The following MNAT1 variants were observed in gnomAD, a reference collection of about 807,000 sequenced individuals.
MNAT1 encodes the protein CDK-activating kinase assembly factor MAT1.
A neutral mutation model predicts 42.0 loss-of-function variants in MNAT1; 43 were observed. The ratio of observed to expected loss-of-function variants is 1.02; its 90% CI spans 0.80 to 1.32. The LOEUF is 1.32. Among genes scored for constraint, MNAT1 ranks in the 40% most tolerant of loss-of-function variants. The pLI is 0.00. For synonymous variants in MNAT1, 118 were observed against 120.0 expected (o/e 0.98, Z 0.11); for missense variants, 306 against 350.4 (o/e 0.87, Z 1.01).
At chr14:60,878,947 T>A (rs970747410) in intron 6 of MNAT1, among the ~76,000 whole-genome samples, 3 of 152,184 alleles carry the variant, frequency 2.0e-5, no homozygotes, top group Non-Finnish European at 2.9e-5. Flanking sequence ...CAGTCAGAAT[T>A]GTGTAAGCTG....
intron 7 of MNAT1, among the ~76,000 whole-genome samples, chr14:60,947,673 ACT>A (rs1327259929): frequency 6.6e-6 from 1 of 152,088 alleles, no homozygotes; most frequent in African/African-American, 2.4e-5. Context: ...ACAAAGTGAG[ACT>A]CTATCTGAAA....
chr14:60,921,464 C>A (rs1362655989), intron 7 of MNAT1, among the ~76,000 whole-genome samples: 4 of 151,988 alleles, frequency 2.6e-5, no homozygotes, highest in Non-Finnish European at 5.9e-5. Context: ...CATAAGTGGT[C>A]TCTGTTCTTA....
chr14:60,757,392 A>T (rs917509036), intron 1 of MNAT1, among the ~76,000 whole-genome samples: 1 of 151,496 alleles, frequency 6.6e-6, no homozygotes, highest in Non-Finnish European at 1.5e-5. Context: ...ATTTTTTTTT[A>T]TTGTCCACAC....
At chr14:60,905,293 A>G (rs1287218189) in intron 7 of MNAT1, among the ~76,000 whole-genome samples, 1 of 152,084 alleles carries the variant, frequency 6.6e-6, no homozygotes, top group Non-Finnish European at 1.5e-5. Context: ...AACATTTGAG[A>G]TGAAACTTAA....
intron 7 of MNAT1, among the ~76,000 whole-genome samples, chr14:60,885,664 T>G (rs1254082361): frequency 6.6e-6 from 1 of 152,100 alleles, no homozygotes; most frequent in African/African-American, 2.4e-5. Context: ...TATTAACCCT[T>G]TATTGGATGT....
intron 6 of MNAT1, among the ~76,000 whole-genome samples, chr14:60,838,454 C>T (rs995954971): frequency 1.3e-5 from 2 of 152,046 alleles, no homozygotes; most frequent in African/African-American, 2.4e-5. Flanking sequence ...TCCTATTAGT[C>T]TGTTTTCCAT....
At chr14:60,904,554 AC>A (rs776635697) in intron 7 of MNAT1, among the ~76,000 whole-genome samples, 5 of 152,178 alleles carry the variant, frequency 3.3e-5, no homozygotes, top group Non-Finnish European at 7.4e-5. Context: ...TCTTTCATCA[AC>A]AGTCAGACAC....
chr14:60,884,727 A>G (rs1472247307), intron 7 of MNAT1, among the ~76,000 whole-genome samples: 1 of 152,036 alleles, frequency 6.6e-6, no homozygotes. Context: ...AGAGTAGTTT[A>G]TCTACCATGA....
At chr14:60,815,999 C>T (rs922984559) in intron 5 of MNAT1, among the ~76,000 whole-genome samples, 4 of 151,826 alleles carry the variant, frequency 2.6e-5, no homozygotes, top group East Asian at 1.9e-4. Context: ...AGTAAAAGAA[C>T]GTATTTCTTT....
intron 7 of MNAT1, among the ~76,000 whole-genome samples, chr14:60,952,963 T>G (rs1005675969): frequency 2.0e-5 from 3 of 151,986 alleles, no homozygotes; most frequent in African/African-American, 7.2e-5. Flanking sequence ...ACTGATATTA[T>G]GGAAATCAGA....
At position 60,857,575 on chromosome 14, in the gene MNAT1, G is replaced by GT. The variant is rs890304526; in HGVS notation, c.688-22130dup. ...AAACTTAGTTGATAAAGCAGTGGCA[G>GT]TTTTTTTTTATTATTATACTTTAAG... On this transcript the variant is annotated intron_variant, in intron 6 of 7. Transcript: ENST00000261245. 1.1e-4 allele frequency among the ~76,000 whole-genome samples: 17 copies of GT among 151,628 alleles called. No individual in the cohort carries two copies. The East Asian group carries it at 1.2e-3, about 10-fold the overall frequency.
intron 7 of MNAT1, among the ~76,000 whole-genome samples, chr14:60,888,354 A>T (rs920127457): frequency 6.6e-6 from 1 of 152,104 alleles, no homozygotes; most frequent in African/African-American, 2.4e-5. Context: ...AAACCACATG[A>T]TTATCTCAAT....
intron 1 of MNAT1, among the ~76,000 whole-genome samples, chr14:60,760,110 A>T (rs913479399): frequency 6.6e-6 from 1 of 152,236 alleles, no homozygotes; most frequent in Non-Finnish European, 1.5e-5. Context: ...TTCCAAGTGG[A>T]CAATATAAAC....
At chr14:60,936,538 C>T (rs2036001262) in intron 7 of MNAT1, among the ~76,000 whole-genome samples, 1 of 152,044 alleles carries the variant, frequency 6.6e-6, no homozygotes. Flanking sequence ...ATCCATGTCC[C>T]TACAAAGGAC....
At chr14:60,849,488 G>A (rs1312192791) in intron 6 of MNAT1, among the ~76,000 whole-genome samples, 1 of 152,134 alleles carries the variant, frequency 6.6e-6, no homozygotes, top group African/African-American at 2.4e-5. Context: ...TACGCCTAAA[G>A]TCAATATAAT....
intron 6 of MNAT1, among the ~76,000 whole-genome samples, chr14:60,836,626 G>A (rs1271035771): frequency 1.3e-5 from 2 of 152,182 alleles, no homozygotes; most frequent in African/African-American, 4.8e-5. Context: ...GTCCCAGAGG[G>A]GCACTGGCTA....
At chr14:60,928,006 C>T (rs1448494277) in intron 7 of MNAT1, among the ~76,000 whole-genome samples, 1 of 152,158 alleles carries the variant, frequency 6.6e-6, no homozygotes, top group East Asian at 1.9e-4. Flanking sequence ...CCCAAAAGAT[C>T]CATCATGTTA....
rs935650252 is a variant in MNAT1 at position 60,740,024 on chromosome 14, T to G, written c.89+5073T>G. On this transcript the variant is annotated intron_variant, in intron 1 of 7. Coordinates refer to ENST00000261245, the MANE Select transcript of MNAT1 (RefSeq NM_002431.4). This position sits in a 1 kb window ranked among gnomAD's most constrained non-coding sequence, Gnocchi z 4.1. ...CAATAATTAGCTGGGTGTGGTGGCA[T>G]GGGCATGTAATCCCAGGTACTTGGG... 1.3e-5 allele frequency among the ~76,000 whole-genome samples: 2 copies of G among 152,138 alleles called. No homozygotes were observed. The highest frequency in any genetic ancestry group is 1.5e-5 in the Non-Finnish European group (1 of 68,022).
intron 6 of MNAT1, among the ~76,000 whole-genome samples, chr14:60,854,112 C>T (rs1399116288): frequency 6.6e-6 from 1 of 152,202 alleles, no homozygotes; most frequent in African/African-American, 2.4e-5. Flanking sequence ...CTTGTGTATG[C>T]TTCACGAAGT....
Sources: gnomAD v4.1 joint callset for allele counts (sites outside exome capture counted in the v4.1 genomes callset) on GRCh38, gnomAD v4.1.1 for gene constraint, Gnocchi (gnomAD v3.1) non-coding constraint, MANE v1.5 for transcripts, NCBI Gene and HGNC (gene_info 2026-07-23, HGNC 2026-07-21) for gene names.